USH2A: variants seen among roughly 807,000 people sequenced by gnomAD.
USH2A encodes the protein Usher syndrome 2A (autosomal recessive, mild).
A neutral mutation model predicts 538.9 loss-of-function variants in USH2A; 443 were observed. The observed-to-expected ratio is 0.82, with a 90% CI of 0.76 to 0.89. The LOEUF (loss-of-function observed/expected upper bound fraction) is 0.89. Ranked by LOEUF, USH2A falls within the 40% of genes least tolerant of loss-of-function variation. The probability of loss-of-function intolerance (pLI) is 0.00; values close to 1 mark genes in which losing one functional copy is unlikely to be tolerated. For synonymous variants in USH2A, 2,413 were observed against 2,273.5 expected (o/e 1.06, Z -1.75); for missense variants, 6,633 against 6,324.8 (o/e 1.05, Z -1.65).
Position 215,799,006 on chromosome 1 carries a change from G to A in USH2A, c.9859C>T (p.His3287Tyr). The change falls in exon 50 of 72, where the codon CAT becomes TAT. Residue 3287 changes from histidine (H) to tyrosine (Y), a missense_variant. Coordinates refer to ENST00000307340, the MANE Select transcript of USH2A (RefSeq NM_206933.4). ...GNQICCAGRL[H>Y]DGHGQKCCGR... ...CAGCACTTCTGGCCATGGCCATCAT[G>A]AAGCCTCCCAGCACAGCAAATCTGG... is the stretch of plus-strand genomic sequence containing the variant. The A allele has an allele frequency of 1.9e-6, 3 of 1,614,084 alleles. No homozygotes were observed. Among genetic ancestry groups the A allele is most frequent in the Non-Finnish European group, 2.5e-6 (3 of 1,179,984 alleles).
intron 38 of USH2A, among the ~76,000 whole-genome samples, chr1:215,932,737 A>T (rs1319134493): frequency 6.6e-6 from 1 of 152,048 alleles, no homozygotes; most frequent in Non-Finnish European, 1.5e-5. Flanking sequence ...TCAGGCCCAG[A>T]GAGTGTGGGC....
At chr1:216,410,911 C>T (rs2039478594) in intron 3 of USH2A, among the ~76,000 whole-genome samples, 1 of 152,096 alleles carries the variant, frequency 6.6e-6, no homozygotes. Context: ...TGACTTGGTC[C>T]ATGAAAATAC....
At chr1:216,366,034 C>T (rs988533272) in intron 3 of USH2A, among the ~76,000 whole-genome samples, 1 of 152,138 alleles carries the variant, frequency 6.6e-6, no homozygotes, top group African/African-American at 2.4e-5. Flanking sequence ...ATTGCATACA[C>T]TTCTAAATAA....
chr1:215,635,358 T>G (rs543685015), intron 69 of USH2A, among the ~76,000 whole-genome samples: 30 of 152,270 alleles, frequency 2.0e-4, no homozygotes, highest in African/African-American at 7.0e-4. Context: ...AGAAATCTTT[T>G]AGCACTGGAG....
chr1:216,073,762 A>T (rs2031651801), intron 27 of USH2A, among the ~76,000 whole-genome samples: 1 of 152,220 alleles, frequency 6.6e-6, no homozygotes, highest in Non-Finnish European at 1.5e-5. Flanking sequence ...GGAAAAATAC[A>T]CTCTGAGCAT....
chr1:216,325,258 T>G, intron 6 of USH2A, 47 bp downstream of exon 6: 3 of 1,596,016 alleles, frequency 1.9e-6, no homozygotes. Flanking sequence ...GGGCATTTGT[T>G]GCAATAACCA....
intron 15 of USH2A, among the ~76,000 whole-genome samples, chr1:216,209,767 G>C (rs1264994520): frequency 1.3e-5 from 2 of 152,044 alleles, no homozygotes; most frequent in African/African-American, 4.8e-5. Context: ...TTTATCCAAG[G>C]GTCCTGAAGC....
At chr1:215,730,290 T>A (rs1156490056) in intron 60 of USH2A, among the ~76,000 whole-genome samples, 1 of 152,172 alleles carries the variant, frequency 6.6e-6, no homozygotes, top group Non-Finnish European at 1.5e-5. Flanking sequence ...ATTCCCAGCA[T>A]CTGAGCCCAG....
At chr1:216,320,369 T>C (rs993567666) in intron 9 of USH2A, among the ~76,000 whole-genome samples, 1 of 152,134 alleles carries the variant, frequency 6.6e-6, no homozygotes, top group African/African-American at 2.4e-5. Flanking sequence ...CAAATAAACC[T>C]CTTTTCTTTA....
chr1:216,314,215 C>T lies in USH2A; in HGVS notation c.1644+7668G>A, dbSNP rs77511362. On this transcript the variant is annotated intron_variant, in intron 9 of 71. Transcript: ENST00000307340. ...CTTAATTTATCTCCATGCTCATAAC[C>T]TCTTTTTCATGTTTTCAACTTATAT... Among the ~76,000 whole-genome samples, 1,075 of 152,188 alleles carry T rather than the reference C, an allele frequency of 7.1e-3. 20 individuals are homozygous for T. The highest frequency in any genetic ancestry group is 0.036 in the East Asian group (187 of 5,176).
intron 4 of USH2A, among the ~76,000 whole-genome samples, chr1:216,359,576 A>G (rs1017524529): frequency 6.6e-6 from 1 of 151,526 alleles, no homozygotes; most frequent in Admixed American, 6.6e-5. Context: ...CATTGGTCTA[A>G]TAACTCAGGT....
intron 38 of USH2A, among the ~76,000 whole-genome samples, chr1:215,917,570 C>T (rs189472148): frequency 5.9e-4 from 90 of 151,840 alleles, no homozygotes; most frequent in Non-Finnish European, 1.1e-3. Context: ...AATTCAAGCT[C>T]AAGTCAAAGC....
rs142611120 is a variant in USH2A, at chr1:215,879,133, G to A, written c.8224-35C>T. 13 of 1,574,518 alleles carry A rather than the reference G, an allele frequency of 8.3e-6. No individual in the cohort carries two copies. The Admixed American group carries it at 8.3e-5, about 10-fold the overall frequency. ...AAGATAAACTTAGAATCAGTGTGAC[G>A]ATACAGGAATAGAGCAATTGAAGTT... is the stretch of plus-strand genomic sequence containing the variant. On this transcript the variant is annotated intron_variant, in intron 41 of 71. Coordinates refer to ENST00000307340, the MANE Select transcript of USH2A (RefSeq NM_206933.4).
intron 35 of USH2A, among the ~76,000 whole-genome samples, chr1:215,976,978 G>A (rs1012502974): frequency 6.9e-6 from 1 of 145,838 alleles, no homozygotes; most frequent in Non-Finnish European, 1.5e-5. Context: ...GAATCCACCT[G>A]GTCCAGTTTT....
At chr1:216,034,823 A>G (rs991058175) in intron 32 of USH2A, among the ~76,000 whole-genome samples, 3 of 152,178 alleles carry the variant, frequency 2.0e-5, no homozygotes, top group Non-Finnish European at 1.5e-5. Context: ...CTTCATTTCA[A>G]ACTTCTAGCC....
chr1:216,298,410 A>T (rs1346061684), intron 9 of USH2A, among the ~76,000 whole-genome samples: 2 of 152,200 alleles, frequency 1.3e-5, no homozygotes, highest in African/African-American at 4.8e-5. Flanking sequence ...TCAGCCCAAA[A>T]GCCATTATCA....
At chr1:216,307,038 G>C (rs1278184882) in intron 9 of USH2A, among the ~76,000 whole-genome samples, 3 of 151,898 alleles carry the variant, frequency 2.0e-5, no homozygotes, top group African/African-American at 7.3e-5. Context: ...GCTTTCAAGA[G>C]AGCATCAACG....
chr1:215,878,520 G>A (rs1370563365), intron 42 of USH2A, among the ~76,000 whole-genome samples: 1 of 152,130 alleles, frequency 6.6e-6, no homozygotes, highest in Non-Finnish European at 1.5e-5. Flanking sequence ...GGATTATGTA[G>A]CGAATCCTTA....
chr1:216,371,342 T>G (rs1171055798), intron 3 of USH2A, among the ~76,000 whole-genome samples: 1 of 152,192 alleles, frequency 6.6e-6, no homozygotes, highest in African/African-American at 2.4e-5. Context: ...TCTCTCTTCT[T>G]AAAATGTGGC....
Sources: gnomAD v4.1 joint callset for allele counts (sites outside exome capture counted in the v4.1 genomes callset) on GRCh38, gnomAD v4.1.1 for gene constraint, MANE v1.5 for transcripts, NCBI Gene and HGNC (gene_info 2026-07-23, HGNC 2026-07-21) for gene names.